Variants in TRPC4 observed in about 807,000 individuals in gnomAD.
The protein encoded by TRPC4 is short transient receptor potential channel 4.
A neutral mutation model predicts 99.4 loss-of-function variants in TRPC4; 49 were observed. The ratio of observed to expected loss-of-function variants is 0.49; its 90% confidence interval spans 0.39 to 0.63. The LOEUF is 0.63. Ranked by LOEUF, TRPC4 falls within the 20% of genes least tolerant of loss-of-function variation. The probability of loss-of-function intolerance (pLI) is 0.00; values close to 1 mark genes in which losing one functional copy is unlikely to be tolerated. For missense variants in TRPC4, 898 were observed against 1,152.9 expected, an observed-to-expected ratio of 0.78 and a Z score of 3.20; for synonymous variants, 454 against 425.9, an observed-to-expected ratio of 1.07 and a Z score of -0.81.
Position 37,655,146 on chromosome 13 carries a change from A to G in TRPC4, c.1826T>C (p.Leu609Pro). 2 of 1,604,796 alleles carry G rather than the reference A, an allele frequency of 1.2e-6. No individual in the cohort carries two copies. Among genetic ancestry groups the G allele is most frequent in the Non-Finnish European group, 1.7e-6 (2 of 1,174,794 alleles). ...TMFGTYNVIS[L>P]VVLLNMLIAM... ...TATTAACATGTTGAGTAGAACAACC[A>G]GAGAGATGACATTGTATGTCCCAAA... The change falls in exon 7 of 11, where the codon CTG becomes CCG. Residue 609 changes from leucine (L) to proline (P), a missense_variant. Around this residue, in one of 3 missense-constraint regions of TRPC4, gnomAD observed 274 missense variants for 454.9 expected, o/e 0.60. Coordinates refer to ENST00000379705, the MANE Select transcript of TRPC4 (RefSeq NM_016179.4).
At chr13:37,715,594 G>A (rs1281624265) in intron 3 of TRPC4, among the ~76,000 whole-genome samples, 2 of 152,078 alleles carry the variant, frequency 1.3e-5, no homozygotes, top group African/African-American at 4.8e-5. Flanking sequence ...TTGCATTGAG[G>A]ACATTACACA....
chr13:37,680,406 T>C (rs1953197935), intron 4 of TRPC4, among the ~76,000 whole-genome samples: 1 of 152,238 alleles, frequency 6.6e-6, no homozygotes, highest in African/African-American at 2.4e-5. Flanking sequence ...AATCTTAGCT[T>C]AGCCTCTCTA....
At chr13:37,688,075 C>G (rs1269231675) in intron 4 of TRPC4, among the ~76,000 whole-genome samples, 2 of 152,156 alleles carry the variant, frequency 1.3e-5, no homozygotes, top group Non-Finnish European at 2.9e-5. Context: ...TAATAAAGTT[C>G]ATCCTGACAG....
At chr13:37,646,574 G>A (rs1048751535) in intron 8 of TRPC4, among the ~76,000 whole-genome samples, 3 of 152,164 alleles carry the variant, frequency 2.0e-5, no homozygotes, top group African/African-American at 7.2e-5. Context: ...GATCTACTAT[G>A]TACTCACACG....
At chr13:37,799,724 A>G (rs1957352368) in intron 1 of TRPC4, among the ~76,000 whole-genome samples, 1 of 152,326 alleles carries the variant, frequency 6.6e-6, no homozygotes, top group African/African-American at 2.4e-5. Context: ...GTTTACTGCA[A>G]TCACATTGTA....
chr13:37,765,877 T>C lies in TRPC4; in HGVS notation c.378+17079A>G, dbSNP rs370338578. The stretch of plus-strand genomic sequence containing the variant: ...TCTTTTCTAGATATATTTGATGTTT[T>C]TTTAAATGCACAAACGAACATGTAC... On this transcript the variant is annotated intron_variant, in intron 2 of 10. Coordinates refer to ENST00000379705, the MANE Select transcript of TRPC4 (RefSeq NM_016179.4). 6.6e-5 allele frequency among the ~76,000 whole-genome samples: 10 copies of C among 151,642 alleles called. No homozygotes were observed. The East Asian group carries it at 2.0e-3, about 30-fold the overall frequency.
intron 3 of TRPC4, among the ~76,000 whole-genome samples, chr13:37,702,724 TG>T (rs1168612972): frequency 6.6e-6 from 1 of 152,052 alleles, no homozygotes; most frequent in Non-Finnish European, 1.5e-5. Flanking sequence ...CCTTATGAAA[TG>T]AGGGGACCCT....
chr13:37,642,140 TG>T (rs908107671), intron 8 of TRPC4, among the ~76,000 whole-genome samples: 1 of 152,144 alleles, frequency 6.6e-6, no homozygotes, highest in African/African-American at 2.4e-5. Flanking sequence ...GAAACTTGCA[TG>T]TAAGTGATAG....
At chr13:37,843,844 C>T (rs1296581745) in intron 1 of TRPC4, among the ~76,000 whole-genome samples, 1 of 152,134 alleles carries the variant, frequency 6.6e-6, no homozygotes, top group East Asian at 1.9e-4. Context: ...TTCTGAATAT[C>T]CCACACCTTG....
intron 3 of TRPC4, among the ~76,000 whole-genome samples, chr13:37,701,159 A>T (rs1053684352): frequency 6.6e-6 from 1 of 152,222 alleles, no homozygotes; most frequent in African/African-American, 2.4e-5. Flanking sequence ...AGAAAAAGGG[A>T]CAAAAAGAGT....
chr13:37,828,101 G>A (rs967650348), intron 1 of TRPC4, among the ~76,000 whole-genome samples: 11 of 152,302 alleles, frequency 7.2e-5, no homozygotes, highest in East Asian at 5.8e-4. Flanking sequence ...TGAGCTTCCC[G>A]AGTGAGGCAA....
chr13:37,637,445 C>CA lies in TRPC4; in HGVS notation c.2391dup (p.Asp798Ter). On this transcript the variant is annotated frameshift_variant, in exon 11 of 11. Transcript: ENST00000379705. LOFTEE classifies it high-confidence loss of function. ...CTCGGATGAATCAGGGTGGTTAAAT[C>CA]AAAAAGGCTGAAATTCTTTTTCTTG... 1 of 1,613,538 alleles carries CA rather than the reference C, an allele frequency of 6.2e-7. No individual in the cohort carries two copies. The highest frequency in any genetic ancestry group is 8.5e-7 in the Non-Finnish European group (1 of 1,179,758).
intron 5 of TRPC4, among the ~76,000 whole-genome samples, chr13:37,672,805 C>T (rs1203960845): frequency 6.6e-6 from 1 of 152,144 alleles, no homozygotes; most frequent in Admixed American, 6.5e-5. Flanking sequence ...AACCTCAATG[C>T]ATTAATAAAA....
At chr13:37,708,388 G>A (rs1954363251) in intron 3 of TRPC4, among the ~76,000 whole-genome samples, 2 of 152,036 alleles carry the variant, frequency 1.3e-5, no homozygotes, top group Non-Finnish European at 2.9e-5. Context: ...AATTTTTGGT[G>A]CATCATACAT....
chr13:37,776,062 T>C lies in TRPC4; in HGVS notation c.378+6894A>G, dbSNP rs561619339. On this transcript the variant is annotated intron_variant, in intron 2 of 10. Coordinates refer to ENST00000379705, the MANE Select transcript of TRPC4 (RefSeq NM_016179.4). ...TTATCATACTAATAGTGCAGCATGA[T>C]CCATCTTTTAAGAATTCTTTCTTTC... is the stretch of plus-strand genomic sequence containing the variant. Among the ~76,000 whole-genome samples the C allele has an allele frequency of 3.8e-4, 57 of 151,958 alleles. 1 individual carries two copies. Among genetic ancestry groups the C allele is most frequent in the African/African-American group, 1.3e-3 (54 of 41,492 alleles).
At chr13:37,796,968 A>ATAAAATAAAG (rs1555273561) in intron 1 of TRPC4, among the ~76,000 whole-genome samples, 12 of 115,104 alleles carry the variant, frequency 1.0e-4, no homozygotes, top group South Asian at 5.4e-4. Context: ...ATAAAATAAA[A>ATAAAATAAAG]TAAAGTAAAG....
At chr13:37,750,565 A>C (rs1593655819) in intron 2 of TRPC4, among the ~76,000 whole-genome samples, 2 of 152,290 alleles carry the variant, frequency 1.3e-5, no homozygotes, top group South Asian at 2.1e-4. Context: ...TATATTAATA[A>C]GTTTCGGAAT....
intron 3 of TRPC4, among the ~76,000 whole-genome samples, chr13:37,704,704 A>T (rs1954210153): frequency 6.6e-6 from 1 of 152,160 alleles, no homozygotes. Flanking sequence ...TATGAAAAGC[A>T]CATTGAGGAT....
intron 5 of TRPC4, among the ~76,000 whole-genome samples, chr13:37,673,860 G>C (rs2138760264): frequency 6.6e-6 from 1 of 152,236 alleles, no homozygotes; most frequent in African/African-American, 2.4e-5. Flanking sequence ...TTATCTATTA[G>C]TTATAACTGA....
Sources: allele counts gnomAD v4.1 joint callset (sites outside exome capture counted in the v4.1 genomes callset), GRCh38; gene constraint gnomAD v4.1.1; regional missense constraint gnomAD v4.1.1; transcripts MANE v1.5; gene names NCBI Gene and HGNC (gene_info 2026-07-23, HGNC 2026-07-21).